The following KLHL25 variants were observed in gnomAD, a reference collection of about 807,000 sequenced individuals.
KLHL25 encodes the protein kelch like family member 25, also known as kelch-like protein 25.
KLHL25 carries 41 observed loss-of-function variants against 30.0 expected under a neutral mutation model. The observed-to-expected ratio is 1.37, with a 90% CI of 1.07 to 1.78. The LOEUF (loss-of-function observed/expected upper bound fraction) is 1.78, where lower values mean the gene tolerates loss of function less well. Among genes scored for constraint, KLHL25 ranks in the 40% most tolerant of loss-of-function variants. KLHL25 has a pLI of 0.00. For synonymous variants in KLHL25, 399 were observed against 355.3 expected, an observed-to-expected ratio of 1.12 and a Z score of -1.38; for missense variants, 971 against 824.5, an observed-to-expected ratio of 1.18 and a Z score of -2.18.
At chr15:85,777,050 G>GC (rs1342871521) in intron 1 of KLHL25, among the ~76,000 whole-genome samples, 2 of 152,222 alleles carry the variant, frequency 1.3e-5, no homozygotes, top group Admixed American at 1.3e-4. Context: ...AAACCTCCCA[G>GC]CCCTCAGCCT....
At position 85,789,392 on chromosome 15, in the gene KLHL25, T is replaced by C. The variant is rs2089801775; in HGVS notation, c.-11+5374A>G. 6.6e-6 allele frequency among the ~76,000 whole-genome samples: 1 copy of C among 152,040 alleles called. No individual in the cohort carries two copies. The highest frequency in any genetic ancestry group is 1.5e-5 in the Non-Finnish European group (1 of 67,944). On this transcript the variant is annotated intron_variant, in intron 1 of 2. Transcript: ENST00000337975. The surrounding 1 kb of genome is among the most constrained non-coding windows in gnomAD (Gnocchi z 4.1). ...GCTGGGCTCCCTTGAGATCCCTTTT[T>C]TTTTTTTTGACAGAATTTTACTCTG...
In KLHL25 at chr15:85,782,772, G is replaced by A. The variant is rs906016492; in HGVS notation, c.-11+11994C>T. ...TTTTGTCTTGTCTCCTAGAATGAAC[G>A]TTCTTCTGCCCTCTGTGCCTTTGCT... On this transcript the variant is annotated intron_variant, in intron 1 of 2. Coordinates refer to ENST00000337975, the MANE Select transcript of KLHL25 (RefSeq NM_022480.4). Among the ~76,000 whole-genome samples the A allele has an allele frequency of 3.5e-4, 54 of 152,140 alleles. 1 individual carries two copies. The highest frequency in any genetic ancestry group is 5.9e-5 in the Non-Finnish European group (4 of 68,026).
intron 1 of KLHL25, among the ~76,000 whole-genome samples, chr15:85,783,143 A>G (rs536516404): frequency 1.5e-4 from 23 of 152,292 alleles, no homozygotes; most frequent in African/African-American, 5.5e-4. Flanking sequence ...TCTATCGCCC[A>G]AGCTGGAGTG....
At chr15:85,763,066 C>G (rs2151804203) in intron 2 of KLHL25, 1 of 152,448 alleles carries the variant, frequency 6.6e-6, no homozygotes, top group Middle Eastern at 3.4e-3. Context: ...GGTTGGGAGT[C>G]TGCGCCTTAA....
At chr15:85,777,315 G>A (rs1029099709) in intron 1 of KLHL25, among the ~76,000 whole-genome samples, 1 of 152,206 alleles carries the variant, frequency 6.6e-6, no homozygotes, top group Admixed American at 6.5e-5. Flanking sequence ...CATACAGTGA[G>A]ACCACCTGGC....
intron 2 of KLHL25, 21 bp downstream of exon 2, chr15:85,767,996 C>G (rs750615475): frequency 6.6e-7 from 1 of 1,512,764 alleles, no homozygotes. Context: ...CCAGAGTGGC[C>G]GTGGGCTGCC....
intron 1 of KLHL25, among the ~76,000 whole-genome samples, chr15:85,779,969 C>A (rs1038774908): frequency 5.3e-5 from 8 of 152,194 alleles, no homozygotes; most frequent in Admixed American, 2.6e-4. Context: ...TATGTCATAC[C>A]GTCCTAAAAG....
chr15:85,775,102 C>A (rs561517825), intron 1 of KLHL25, among the ~76,000 whole-genome samples: 134 of 152,262 alleles, frequency 8.8e-4, no homozygotes, highest in African/African-American at 3.1e-3. Flanking sequence ...GTCTTGAACT[C>A]CTGACCTCAG....
chr15:85,787,902 T>C (rs984651796), intron 1 of KLHL25, among the ~76,000 whole-genome samples: 1 of 151,754 alleles, frequency 6.6e-6, no homozygotes, highest in Non-Finnish European at 1.5e-5. Flanking sequence ...TTTTCATTTA[T>C]AAAGGAAATC....
chr15:85,782,671 A>G (rs1291052938), intron 1 of KLHL25, among the ~76,000 whole-genome samples: 1 of 152,176 alleles, frequency 6.6e-6, no homozygotes, highest in African/African-American at 2.4e-5. Flanking sequence ...TGCAGTAAGT[A>G]CACTGAAATC....
intron 1 of KLHL25, among the ~76,000 whole-genome samples, chr15:85,782,892 C>T (rs2089753625): frequency 6.6e-6 from 1 of 152,080 alleles, no homozygotes; most frequent in South Asian, 2.1e-4. Flanking sequence ...AGCTCAAGGA[C>T]ATTGTTCTGT....
chr15:85,767,184 G>T (rs1346554376), intron 2 of KLHL25, among the ~76,000 whole-genome samples: 2 of 152,042 alleles, frequency 1.3e-5, no homozygotes, highest in Non-Finnish European at 2.9e-5. Context: ...TAGGGATGGG[G>T]TTTCACTTGT....
chr15:85,781,421 C>T (rs2089742373), intron 1 of KLHL25, among the ~76,000 whole-genome samples: 1 of 152,192 alleles, frequency 6.6e-6, no homozygotes, highest in African/African-American at 2.4e-5. Flanking sequence ...GTGGACTCTC[C>T]ACCAAGAGAA....
At chr15:85,781,578 G>A (rs1038159774) in intron 1 of KLHL25, among the ~76,000 whole-genome samples, 4 of 152,038 alleles carry the variant, frequency 2.6e-5, no homozygotes, top group African/African-American at 9.7e-5. Flanking sequence ...CCACCTCCTG[G>A]GTTCAAGCAA....
intron 1 of KLHL25, among the ~76,000 whole-genome samples, chr15:85,779,027 G>T (rs1471893266): frequency 6.6e-6 from 1 of 151,612 alleles, no homozygotes; most frequent in Non-Finnish European, 1.5e-5. Flanking sequence ...TATGGATTTG[G>T]CCAGCTCCTC....
intron 1 of KLHL25, among the ~76,000 whole-genome samples, chr15:85,785,014 A>G (rs1005402666): frequency 6.6e-6 from 1 of 152,222 alleles, no homozygotes; most frequent in African/African-American, 2.4e-5. Context: ...CAAAAGGAGC[A>G]GAAGACAACT....
At chr15:85,787,271 AC>A (rs1309694569) in intron 1 of KLHL25, among the ~76,000 whole-genome samples, 1 of 152,150 alleles carries the variant, frequency 6.6e-6, no homozygotes, top group Non-Finnish European at 1.5e-5. Context: ...ACATGGAGAA[AC>A]CCAGTCTCTA....
chr15:85,769,826 G>A lies in KLHL25; in HGVS notation c.-10-6C>T, dbSNP rs201475424. Reference sequence around the variant, plus strand: ...TGACCGACATGGTGCGTCAGCTTGTGGGGGAACAAGCCCACAGGTTAGAGG... The same window carrying A: ...TGACCGACATGGTGCGTCAGCTTGTAGGGGAACAAGCCCACAGGTTAGAGG... On this transcript the variant is annotated splice_region_variant and splice_polypyrimidine_tract_variant and intron_variant, in intron 1 of 2. Transcript: ENST00000337975. 1.5e-5 allele frequency: 24 copies of A among 1,594,398 alleles called. No individual in the cohort carries two copies. Among genetic ancestry groups the A allele is most frequent in the East Asian group, 2.2e-5 (1 of 44,628 alleles).
At chr15:85,794,522 C>T (rs1439391507) in intron 1 of KLHL25, among the ~76,000 whole-genome samples, 2 of 152,166 alleles carry the variant, frequency 1.3e-5, no homozygotes, top group Non-Finnish European at 2.9e-5. Flanking sequence ...CAATTCATTC[C>T]CTCGCGCAGA....
Sources: gnomAD v4.1 joint callset for allele counts (sites outside exome capture counted in the v4.1 genomes callset) on GRCh38, gnomAD v4.1.1 for gene constraint, Gnocchi (gnomAD v3.1) non-coding constraint, MANE v1.5 for transcripts, NCBI Gene and HGNC (gene_info 2026-07-23, HGNC 2026-07-21) for gene names.